Variants in KAT6B observed in about 807,000 individuals in gnomAD.
The protein encoded by KAT6B is lysine acetyltransferase 6B.
In KAT6B, 10 loss-of-function variants were observed where a neutral mutation model predicts 187.5. That is an observed-to-expected ratio of 0.05 (90% CI 0.03 to 0.09). The LOEUF (loss-of-function observed/expected upper bound fraction) is 0.09. Ranked by LOEUF, KAT6B falls within the 10% of genes least tolerant of loss-of-function variation. The pLI is 1.00. For synonymous variants in KAT6B, 861 were observed against 926.8 expected (o/e 0.93, Z 1.29); for missense variants, 1,952 against 2,558.9 (o/e 0.76, Z 5.12).
chr10:74,827,689 G>A (rs1484005719), intron 1 of KAT6B, among the ~76,000 whole-genome samples: 1 of 152,116 alleles, frequency 6.6e-6, no homozygotes, highest in East Asian at 1.9e-4. Context: ...GGTGGGACAA[G>A]GCGGCAGGTG....
At chr10:74,884,765 C>T (rs1845111641) in intron 3 of KAT6B, among the ~76,000 whole-genome samples, 1 of 152,082 alleles carries the variant, frequency 6.6e-6, no homozygotes, top group African/African-American at 2.4e-5. Flanking sequence ...AGACAGGTTT[C>T]ACCATGTTGG....
chr10:74,932,665 T>C (rs2133192808), intron 3 of KAT6B, among the ~76,000 whole-genome samples: 1 of 152,324 alleles, frequency 6.6e-6, no homozygotes, highest in Non-Finnish European at 1.5e-5. Context: ...CATGGTATCA[T>C]CTGCTACCCA....
rs368084103 is a variant in KAT6B at position 74,939,015 on chromosome 10, G to A, written c.622-20955G>A. Reference sequence around the variant, plus strand: ...ACCTCCCAGAGTGTTGGGATTACAGGTGTGAGCTGCCGTGCCCAGCCCCTT... The same window carrying A: ...ACCTCCCAGAGTGTTGGGATTACAGATGTGAGCTGCCGTGCCCAGCCCCTT... On this transcript the variant is annotated intron_variant, in intron 3 of 17. Coordinates refer to ENST00000287239, the MANE Select transcript of KAT6B (RefSeq NM_012330.4). Among the ~76,000 whole-genome samples, 12 of 151,958 alleles carry A rather than the reference G, an allele frequency of 7.9e-5. No homozygotes were observed. In the East Asian group the frequency reaches 1.9e-3, roughly 25 times the overall value.
chr10:74,874,197 G>A (rs959486201), intron 3 of KAT6B, among the ~76,000 whole-genome samples: 6 of 152,286 alleles, frequency 3.9e-5, no homozygotes, highest in African/African-American at 7.2e-5. Flanking sequence ...GCACATACAG[G>A]ATCATTGTAG....
rs1251145723 is a variant in KAT6B at position 74,994,809 on chromosome 10, A to G, written c.2629+5697A>G. Among the ~76,000 whole-genome samples, 3 of 152,158 alleles carry G rather than the reference A, an allele frequency of 2.0e-5. No individual in the cohort carries two copies. In the East Asian group the frequency reaches 5.8e-4, roughly 29 times the overall value. On this transcript the variant is annotated intron_variant, in intron 13 of 17. Coordinates refer to ENST00000287239, the MANE Select transcript of KAT6B (RefSeq NM_012330.4). Reference sequence around the variant, plus strand: ...AAAGCAAGACTTCATCTGTTAAAAAAAAAAAAAAAAATGGAGGAAACCAAG... The same window carrying G: ...AAAGCAAGACTTCATCTGTTAAAAAGAAAAAAAAAAATGGAGGAAACCAAG...
rs921470142 is a variant in KAT6B, at chr10:75,012,476, C to A, written c.2630-8106C>A. On this transcript the variant is annotated intron_variant, in intron 13 of 17. Transcript: ENST00000287239. ...ATAAAAGAAAAAGGAGCAATTAATT[C>A]TCTCACTGGGTAAGAGAATCAGGTA... 3.9e-5 allele frequency among the ~76,000 whole-genome samples: 6 copies of A among 152,260 alleles called. No individual in the cohort carries two copies. In the South Asian group the frequency reaches 8.3e-4, roughly 21 times the overall value.
intron 3 of KAT6B, among the ~76,000 whole-genome samples, chr10:74,937,902 C>T (rs1169986352): frequency 1.3e-5 from 2 of 152,210 alleles, no homozygotes; most frequent in South Asian, 2.1e-4. Context: ...CCAGTTCCTC[C>T]TCCAGGGCTT....
At chr10:74,995,413 G>A (rs1437325516) in intron 13 of KAT6B, among the ~76,000 whole-genome samples, 2 of 152,080 alleles carry the variant, frequency 1.3e-5, no homozygotes, top group Non-Finnish European at 2.9e-5. Flanking sequence ...TTTTAAAAAT[G>A]GAAACTGTAT....
chr10:75,025,407 T>C (rs1845747441), intron 17 of KAT6B, 158 bp downstream of exon 17: 9 of 663,836 alleles, frequency 1.4e-5, no homozygotes, highest in Middle Eastern at 8.2e-4. Flanking sequence ...CCTTACAAGC[T>C]TCTCTCCCTT....
At chr10:75,025,344 C>A in intron 17 of KAT6B, 95 bp downstream of exon 17, 1 of 1,298,752 alleles carries the variant, frequency 7.7e-7, no homozygotes. Flanking sequence ...CCAGAGGCAC[C>A]TGCGAAGTGG....
chr10:74,826,266 G>A (rs1446844177), upstream of KAT6B, among the ~76,000 whole-genome samples: 8 of 152,208 alleles, frequency 5.3e-5, no homozygotes, highest in Non-Finnish European at 1.0e-4. Flanking sequence ...GTAGGTGGAA[G>A]TAGAGGTGGC....
At chr10:74,855,432 A>G (rs1236368700) in intron 3 of KAT6B, among the ~76,000 whole-genome samples, 2 of 152,226 alleles carry the variant, frequency 1.3e-5, no homozygotes, top group Non-Finnish European at 2.9e-5. Flanking sequence ...AGAGAAACAT[A>G]AGAACATATT....
chr10:74,842,763 T>G lies in KAT6B; in HGVS notation c.-95T>G. 7.4e-7 allele frequency: 1 copy of G among 1,346,776 alleles called. No homozygotes were observed. The allele number at this position is 1,346,776 out of a possible 1,614,324, so 83.4% of individuals were successfully genotyped here. On this transcript the variant is annotated 5_prime_UTR_variant, in exon 3 of 18. Coordinates refer to ENST00000287239, the MANE Select transcript of KAT6B (RefSeq NM_012330.4). ...CAGTCTGGAATACTCTGTCCATTTG[T>G]TGAATTGTAAATGACTTTCAAATGT... is the stretch of plus-strand genomic sequence containing the variant.
At chr10:74,938,007 A>G (rs1849385081) in intron 3 of KAT6B, among the ~76,000 whole-genome samples, 1 of 152,174 alleles carries the variant, frequency 6.6e-6, no homozygotes, top group Non-Finnish European at 1.5e-5. Flanking sequence ...TTGTTTTGGC[A>G]AGATCATAGC....
intron 4 of KAT6B, 110 bp downstream of exon 4, chr10:74,960,188 A>G (rs1219860556): frequency 2.5e-6 from 2 of 803,456 alleles, no homozygotes; most frequent in Non-Finnish European, 4.4e-6. Flanking sequence ...TTATATGGTA[A>G]TAGCATAGGC....
At chr10:74,908,236 G>A (rs1182932513) in intron 3 of KAT6B, among the ~76,000 whole-genome samples, 3 of 152,106 alleles carry the variant, frequency 2.0e-5, no homozygotes, top group Non-Finnish European at 2.9e-5. Context: ...GAGGCCCCTC[G>A]AACTTGGACT....
At chr10:75,004,800 A>G (rs543349837) in intron 13 of KAT6B, among the ~76,000 whole-genome samples, 4 of 152,190 alleles carry the variant, frequency 2.6e-5, no homozygotes, top group African/African-American at 7.2e-5. Flanking sequence ...TTCCTGAGCT[A>G]AAGTGATCCT....
At chr10:74,846,012 C>T (rs562019575) in intron 3 of KAT6B, among the ~76,000 whole-genome samples, 1 of 151,600 alleles carries the variant, frequency 6.6e-6, no homozygotes, top group South Asian at 2.1e-4. Context: ...TACAGGTGCA[C>T]ACCACCACGC....
At chr10:74,873,736 C>G (rs1237702287) in intron 3 of KAT6B, among the ~76,000 whole-genome samples, 1 of 151,974 alleles carries the variant, frequency 6.6e-6, no homozygotes, top group South Asian at 2.1e-4. Flanking sequence ...CTTGGTGCAC[C>G]CTGATGGTTG....
Sources: allele counts gnomAD v4.1 joint callset (sites outside exome capture counted in the v4.1 genomes callset), GRCh38; gene constraint gnomAD v4.1.1; transcripts MANE v1.5; gene names NCBI Gene and HGNC (gene_info 2026-07-23, HGNC 2026-07-21).